Variants in PLEKHA5 observed in about 807,000 individuals in gnomAD.
The protein encoded by PLEKHA5 is pleckstrin homology domain-containing family A member 5.
PLEKHA5 carries 55 observed loss-of-function variants against 181.9 expected under a neutral mutation model. That is an observed-to-expected ratio of 0.30 (90% CI 0.24 to 0.38). PLEKHA5 has a LOEUF of 0.38. Ranked by LOEUF, PLEKHA5 falls within the 10% of genes least tolerant of loss-of-function variation. PLEKHA5 has a pLI of 1.00. For missense variants in PLEKHA5, 1,432 were observed against 1,549.5 expected (o/e 0.92, Z 1.27); for synonymous variants, 535 against 529.4 (o/e 1.01, Z -0.15).
At chr12:19,192,563 C>T (rs1458382467) in intron 3 of PLEKHA5, among the ~76,000 whole-genome samples, 5 of 152,090 alleles carry the variant, frequency 3.3e-5, no homozygotes, top group Admixed American at 6.5e-5. Context: ...TTTAGCCGGG[C>T]GTGGTGGCAT....
At chr12:19,362,528 C>T (rs1230003072) in intron 29 of PLEKHA5, among the ~76,000 whole-genome samples, 6 of 151,540 alleles carry the variant, frequency 4.0e-5, no homozygotes, top group South Asian at 4.2e-4. Context: ...AGTGAGACTC[C>T]ATCTCAAAAG....
chr12:19,130,290 AC>A lies in PLEKHA5; in HGVS notation c.169+161del, dbSNP rs1390438427. Among the ~76,000 whole-genome samples the A allele has an allele frequency of 6.8e-6, 1 of 147,838 alleles. No homozygotes were observed. Among genetic ancestry groups the A allele is most frequent in the Non-Finnish European group, 1.5e-5 (1 of 66,828 alleles). On this transcript the variant is annotated intron_variant, in intron 2 of 31. Coordinates refer to ENST00000429027, the MANE Select transcript of PLEKHA5 (RefSeq NM_001256470.2). This position sits in a 1 kb window ranked among gnomAD's most constrained non-coding sequence, Gnocchi z 4.5. The stretch of plus-strand genomic sequence containing the variant: ...GGCCGCAGGTAGAGGGGCCACGGGG[AC>A]TCCGCCGCCGGGAGTTCTCTCCAGT...
chr12:19,253,730 G>T (rs930934313), intron 3 of PLEKHA5, among the ~76,000 whole-genome samples: 4 of 152,032 alleles, frequency 2.6e-5, no homozygotes, highest in Non-Finnish European at 5.9e-5. Flanking sequence ...TGAGGCAGAA[G>T]AATTGCTTGA....
At chr12:19,342,684 G>A (rs2094031813) in intron 21 of PLEKHA5, among the ~76,000 whole-genome samples, 1 of 152,086 alleles carries the variant, frequency 6.6e-6, no homozygotes, top group South Asian at 2.1e-4. Flanking sequence ...AGCTGAGGCA[G>A]CAGAATCACT....
At chr12:19,332,817 A>G (rs1025344034) in intron 20 of PLEKHA5, among the ~76,000 whole-genome samples, 2 of 152,004 alleles carry the variant, frequency 1.3e-5, no homozygotes, top group African/African-American at 4.8e-5. Flanking sequence ...GCGCCACCAT[A>G]CCTAATTTCT....
Position 19,130,218 on chromosome 12 carries a change from C to G in PLEKHA5, c.169+88C>G. On this transcript the variant is annotated intron_variant, in intron 2 of 31. Transcript: ENST00000429027. This position sits in a 1 kb window ranked among gnomAD's most constrained non-coding sequence, Gnocchi z 4.5. ...CGGCTCCCCGCAACCTGCCCCGCGC[C>G]GCGGGCCCCGGGAGGCGGCGAGGCG... is the stretch of plus-strand genomic sequence containing the variant. 1.3e-6 allele frequency: 1 copy of G among 751,208 alleles called. No individual in the cohort carries two copies. Among genetic ancestry groups the G allele is most frequent in the Non-Finnish European group, 1.8e-6 (1 of 541,090 alleles). The allele number at this position is 751,208 out of a possible 1,614,324, so 46.5% of individuals were successfully genotyped here.
In PLEKHA5 at chr12:19,348,501, G is replaced by C; in HGVS notation, c.3001G>C (p.Glu1001Gln). 4 of 1,574,874 alleles carry C rather than the reference G, an allele frequency of 2.5e-6. No individual in the cohort carries two copies. The South Asian group carries it at 4.8e-5, about 19-fold the overall frequency. The change falls in exon 25 of 32, where the codon GAA becomes CAA. Residue 1001 changes from glutamate to glutamine, a missense_variant. Transcript: ENST00000429027. ...AAAATCAGAACCTGTTTCAGAGATA[G>C]AAACTTCAGTTGTTAAAGGTCAGCA... ...EEKSEPVSEIETSVVKGSHFP... is the reference protein window; with the variant it reads ...EEKSEPVSEIQTSVVKGSHFP...
At chr12:19,194,657 C>T (rs371035530) in intron 3 of PLEKHA5, among the ~76,000 whole-genome samples, 12 of 152,172 alleles carry the variant, frequency 7.9e-5, no homozygotes, top group East Asian at 7.7e-4. Context: ...TCAAGGGGTA[C>T]AGGTATTTAC....
At chr12:19,283,807 G>A in intron 12 of PLEKHA5, 62 bp downstream of exon 12, 1 of 1,030,344 alleles carries the variant, frequency 9.7e-7, no homozygotes, top group Non-Finnish European at 1.5e-6. Context: ...TTTCTTTCTA[G>A]TATACTATTT....
At position 19,185,088 on chromosome 12, in the gene PLEKHA5, A is replaced by C. The variant is rs146534932; in HGVS notation, c.227+52638A>C. 1.8e-3 allele frequency among the ~76,000 whole-genome samples: 270 copies of C among 151,564 alleles called. 1 individual carries two copies. Among genetic ancestry groups the C allele is most frequent in the African/African-American group, 6.4e-3 (263 of 41,360 alleles). On this transcript the variant is annotated intron_variant, in intron 3 of 31. Coordinates refer to ENST00000429027, the MANE Select transcript of PLEKHA5 (RefSeq NM_001256470.2). The stretch of plus-strand genomic sequence containing the variant: ...CATTTTAGAAATGTACTTCTTCTCT[A>C]TACCTTTTTTTTTTTTCTTTTAACA...
chr12:19,183,982 T>C (rs1365722826), intron 3 of PLEKHA5, among the ~76,000 whole-genome samples: 2 of 152,194 alleles, frequency 1.3e-5, no homozygotes, highest in African/African-American at 4.8e-5. Flanking sequence ...CCCAAAGTGC[T>C]GGGATTACAG....
chr12:19,364,203 G>GA (rs2095350750), intron 29 of PLEKHA5, among the ~76,000 whole-genome samples: 1 of 152,096 alleles, frequency 6.6e-6, no homozygotes, highest in African/African-American at 2.4e-5. Context: ...TTTCAAGTGG[G>GA]AGTCAGAGTA....
chr12:19,350,599 TC>T (rs1218826103), intron 25 of PLEKHA5, among the ~76,000 whole-genome samples: 1 of 152,056 alleles, frequency 6.6e-6, no homozygotes, highest in Non-Finnish European at 1.5e-5. Context: ...CGAAGCCCCA[TC>T]TCTACTAAAA....
Position 19,265,756 on chromosome 12 carries a change from A to C in PLEKHA5, c.617A>C (p.Lys206Thr). Residue 206 changes from lysine (K) to threonine (T), a missense_variant, in exon 8 of 32, where the codon AAA becomes ACA. By Grantham distance (78) the Lys-to-Thr change is moderately conservative (BLOSUM62 -1). Around this residue, in one of 2 missense-constraint regions of PLEKHA5, gnomAD observed 289 missense variants for 381.1 expected, o/e 0.76. Coordinates refer to ENST00000429027, the MANE Select transcript of PLEKHA5 (RefSeq NM_001256470.2). ...ATGTTAAATTATCTCTTAGATGAGA[A>C]AGAAGAGGGTATCCTGGGAAGCATA... ...DLCLFYYRDE[K>T]EEGILGSILL... 6.5e-7 allele frequency: 1 copy of C among 1,539,892 alleles called. No homozygotes were observed.
intron 8 of PLEKHA5, 83 bp from the exon 9 acceptor site, chr12:19,269,687 G>A: frequency 1.6e-6 from 1 of 632,894 alleles, no homozygotes; most frequent in South Asian, 2.4e-5. Flanking sequence ...AACGTTCTAT[G>A]TCAGGAATCA....
chr12:19,303,045 CTGAG>C (rs1219659455), intron 15 of PLEKHA5, among the ~76,000 whole-genome samples: 2 of 149,310 alleles, frequency 1.3e-5, no homozygotes, highest in Admixed American at 6.8e-5. Context: ...TCTCAGCCTC[CTGAG>C]TGAGTGAGAC....
chr12:19,142,076 A>C (rs1167859511), intron 3 of PLEKHA5, among the ~76,000 whole-genome samples: 2 of 152,138 alleles, frequency 1.3e-5, no homozygotes, highest in African/African-American at 4.8e-5. Flanking sequence ...ATTAAATGTT[A>C]AGGCCAGGTG....
intron 3 of PLEKHA5, among the ~76,000 whole-genome samples, chr12:19,211,371 C>A (rs149547145): frequency 6.6e-6 from 1 of 151,724 alleles, no homozygotes; most frequent in Non-Finnish European, 1.5e-5. Flanking sequence ...AGGGCGGTGG[C>A]GAATGCAGTC....
intron 21 of PLEKHA5, among the ~76,000 whole-genome samples, chr12:19,342,342 G>A (rs1045834514): frequency 5.9e-5 from 9 of 152,000 alleles, no homozygotes; most frequent in African/African-American, 2.2e-4. Context: ...TTAACCTGAG[G>A]GCATGATGTG....
Sources: allele counts gnomAD v4.1 joint callset (sites outside exome capture counted in the v4.1 genomes callset), GRCh38; gene constraint gnomAD v4.1.1; regional missense constraint gnomAD v4.1.1; non-coding constraint Gnocchi (gnomAD v3.1); transcripts MANE v1.5; gene names NCBI Gene and HGNC (gene_info 2026-07-23, HGNC 2026-07-21).